Variants in MAP3K5 observed in about 807,000 individuals in gnomAD.
The protein encoded by MAP3K5 is ASK-1.
MAP3K5 carries 56 observed loss-of-function variants against 158.7 expected under a neutral mutation model. The observed-to-expected ratio is 0.35, with a 90% CI of 0.28 to 0.44. The LOEUF is 0.44. Ranked by LOEUF, MAP3K5 falls within the 20% of genes least tolerant of loss-of-function variation. The pLI is 1.00. For synonymous variants in MAP3K5, 579 were observed against 601.7 expected (o/e 0.96, Z 0.55); for missense variants, 1,294 against 1,674.8 (o/e 0.77, Z 3.97).
chr6:136,584,013 C>T (rs1177198347), intron 23 of MAP3K5, among the ~76,000 whole-genome samples: 1 of 152,042 alleles, frequency 6.6e-6, no homozygotes, highest in African/African-American at 2.4e-5. Context: ...AAGGAAAGAC[C>T]ATATTTTGAA....
chr6:136,792,258 C>A lies in MAP3K5; in HGVS notation c.-101G>T. Reference sequence around the variant, plus strand: ...GCTCCGCGCCCGCCGGGCTAAGCAGCTGCCATCGCGCGCCGCGCCCTCGCC... The same window carrying A: ...GCTCCGCGCCCGCCGGGCTAAGCAGATGCCATCGCGCGCCGCGCCCTCGCC... On this transcript the variant is annotated 5_prime_UTR_variant, in exon 1 of 30. Coordinates refer to ENST00000359015, the MANE Select transcript of MAP3K5 (RefSeq NM_005923.4). The surrounding 1 kb of genome is among the most constrained non-coding windows in gnomAD (Gnocchi z 5.7). The A allele has an allele frequency of 1.6e-6, 2 of 1,220,230 alleles. No homozygotes were observed. Among genetic ancestry groups the A allele is most frequent in the Non-Finnish European group, 2.0e-6 (2 of 983,870 alleles). 75.6% of individuals were successfully genotyped at this position (1,220,230 alleles called of 1,614,324 possible). A position where few individuals can be genotyped will look rare whatever the true frequency, so the allele number is the denominator to read the frequency against.
At chr6:136,594,446 C>G (rs1194051593) in intron 21 of MAP3K5, among the ~76,000 whole-genome samples, 1 of 152,040 alleles carries the variant, frequency 6.6e-6, no homozygotes, top group African/African-American at 2.4e-5. Flanking sequence ...GACTTTAGAA[C>G]AGAAAAAAAT....
chr6:136,750,074 C>T (rs572716100), intron 1 of MAP3K5, among the ~76,000 whole-genome samples: 1 of 152,154 alleles, frequency 6.6e-6, no homozygotes, highest in South Asian at 2.1e-4. Flanking sequence ...GCCTTCTGTC[C>T]TTCCAGTTTT....
chr6:136,679,019 C>T (rs2114581646), intron 7 of MAP3K5, among the ~76,000 whole-genome samples: 1 of 151,584 alleles, frequency 6.6e-6, no homozygotes, highest in East Asian at 2.0e-4. Flanking sequence ...AGCCACTGCA[C>T]CCAGCCAAAA....
chr6:136,697,211 C>A lies in MAP3K5; in HGVS notation c.975+8G>T. On this transcript the variant is annotated splice_region_variant and intron_variant, in intron 5 of 29. Coordinates refer to ENST00000359015, the MANE Select transcript of MAP3K5 (RefSeq NM_005923.4). ...ACAACAAAGATTTCACTTTAAACATCTTCTCACCTGGATATCTCTGTAGGA... is the reference window on the plus strand; with the variant it reads ...ACAACAAAGATTTCACTTTAAACATATTCTCACCTGGATATCTCTGTAGGA... The A allele has an allele frequency of 1.9e-6, 3 of 1,606,822 alleles. No individual in the cohort carries two copies. In the Admixed American group the frequency reaches 5.1e-5, roughly 27 times the overall value.
intron 2 of MAP3K5, among the ~76,000 whole-genome samples, chr6:136,719,595 A>G (rs1165398207): frequency 6.6e-6 from 1 of 152,238 alleles, no homozygotes; most frequent in African/African-American, 2.4e-5. Flanking sequence ...GCAAAATACT[A>G]CTGACTTTTT....
chr6:136,592,341 G>T lies in MAP3K5; in HGVS notation c.3057C>A (p.Gly1019=), dbSNP rs745822128. The T allele has an allele frequency of 6.3e-7, 1 of 1,589,836 alleles. No individual in the cohort carries two copies. The highest frequency in any genetic ancestry group is 1.8e-5 in the Admixed American group (1 of 56,104). ...GATCTTCAAAATTCTCATCTGGAAT[G>T]CTGAGAAAATTTATGCAGCATAAAT... ...DVKGIRTLFL[G]IPDENFEDHS... is the part of the protein sequence containing the mutation. Residue 1019 remains glycine, a splice_region_variant and synonymous_variant, in exon 23 of 30, where the codon GGC becomes GGA. Coordinates refer to ENST00000359015, the MANE Select transcript of MAP3K5 (RefSeq NM_005923.4).
At chr6:136,562,167 T>C (rs1830544401) in intron 27 of MAP3K5, among the ~76,000 whole-genome samples, 1 of 152,200 alleles carries the variant, frequency 6.6e-6, no homozygotes, top group African/African-American at 2.4e-5. Context: ...ACACAGAATA[T>C]AAATGCAAAA....
chr6:136,729,752 T>A (rs1782125597), intron 1 of MAP3K5, among the ~76,000 whole-genome samples: 1 of 152,188 alleles, frequency 6.6e-6, no homozygotes, highest in Admixed American at 6.5e-5. Flanking sequence ...AGCTAGAATC[T>A]GTAGATGGAT....
intron 15 of MAP3K5, among the ~76,000 whole-genome samples, chr6:136,620,416 G>T (rs1479380504): frequency 1.3e-5 from 2 of 152,068 alleles, no homozygotes; most frequent in East Asian, 1.9e-4. Flanking sequence ...GTACCCCCTG[G>T]TTCTAAAATA....
At chr6:136,766,038 G>T (rs749896507) in intron 1 of MAP3K5, among the ~76,000 whole-genome samples, 1 of 152,062 alleles carries the variant, frequency 6.6e-6, no homozygotes, top group African/African-American at 2.4e-5. Flanking sequence ...CCAAGAAATT[G>T]TCCCAACTCC....
chr6:136,672,298 C>CAA (rs201891445), intron 7 of MAP3K5, among the ~76,000 whole-genome samples: 1 of 151,836 alleles, frequency 6.6e-6, no homozygotes, highest in East Asian at 1.9e-4. Flanking sequence ...ATGGAAGCAA[C>CAA]AAAAAAAATC....
At chr6:136,776,216 T>A (rs1444931220) in intron 1 of MAP3K5, among the ~76,000 whole-genome samples, 1 of 152,190 alleles carries the variant, frequency 6.6e-6, no homozygotes, top group Admixed American at 6.5e-5. Flanking sequence ...TTGTATGCTA[T>A]TATGGTTTTG....
chr6:136,636,861 G>C, intron 14 of MAP3K5: 1 of 988,202 alleles, frequency 1.0e-6, no homozygotes, highest in Non-Finnish European at 1.2e-6. Flanking sequence ...GATTCCAGTT[G>C]AGAGGAACAA....
intron 18 of MAP3K5, among the ~76,000 whole-genome samples, 158 bp downstream of exon 18, chr6:136,611,124 A>G (rs1400096664): frequency 6.7e-6 from 1 of 150,120 alleles, no homozygotes; most frequent in Admixed American, 6.6e-5. Flanking sequence ...AAAAAAAAAA[A>G]AAAAAAAAAA....
At chr6:136,775,533 G>A (rs1313976227) in intron 1 of MAP3K5, among the ~76,000 whole-genome samples, 1 of 152,012 alleles carries the variant, frequency 6.6e-6, no homozygotes, top group African/African-American at 2.4e-5. Context: ...ATTAAATGTG[G>A]CATATCCTCT....
intron 25 of MAP3K5, among the ~76,000 whole-genome samples, chr6:136,575,687 C>T (rs1162728945): frequency 2.0e-5 from 3 of 152,096 alleles, no homozygotes; most frequent in South Asian, 2.1e-4. Flanking sequence ...GGTTCACTGA[C>T]GTCTTCTTGT....
rs1583182470 is a variant in MAP3K5 at position 136,560,769 on chromosome 6, G to A, written c.3987+764C>T. 2.0e-5 allele frequency among the ~76,000 whole-genome samples: 3 copies of A among 151,642 alleles called. No homozygotes were observed. The South Asian group carries it at 6.2e-4, about 32-fold the overall frequency. On this transcript the variant is annotated intron_variant, in intron 28 of 29. Coordinates refer to ENST00000359015, the MANE Select transcript of MAP3K5 (RefSeq NM_005923.4). ...TTAAGACCAGCCTGGGCAACATAGC[G>A]AGACCCTATCTCTAAATTTTTTTTT...
intron 17 of MAP3K5, among the ~76,000 whole-genome samples, chr6:136,612,242 A>G (rs886570793): frequency 6.6e-6 from 1 of 152,240 alleles, no homozygotes; most frequent in Non-Finnish European, 1.5e-5. Context: ...CTCTTTCTCA[A>G]TTGCAATTCT....
Sources: gnomAD v4.1 joint callset for allele counts (sites outside exome capture counted in the v4.1 genomes callset) on GRCh38, gnomAD v4.1.1 for gene constraint, Gnocchi (gnomAD v3.1) non-coding constraint, MANE v1.5 for transcripts, NCBI Gene and HGNC (gene_info 2026-07-23, HGNC 2026-07-21) for gene names.